The following XPO6 variants were observed in gnomAD, a reference collection of about 807,000 sequenced individuals.
XPO6 encodes exportin 6, also known as exportin-6.
In XPO6, 3 loss-of-function variants were observed where a neutral mutation model predicts 130.0. The ratio of observed to expected loss-of-function variants is 0.02; its 90% CI spans 0.01 to 0.06. The LOEUF (loss-of-function observed/expected upper bound fraction) is 0.06, where lower values mean the gene tolerates loss of function less well. Among genes scored for constraint, XPO6 ranks in the 10% least tolerant of loss-of-function variants. The pLI, the probability that XPO6 is intolerant of heterozygous loss-of-function variation, is 1.00. For missense variants in XPO6, 970 were observed against 1,393.0 expected, an observed-to-expected ratio of 0.70 and a Z score of 4.83; for synonymous variants, 524 against 548.9, an observed-to-expected ratio of 0.95 and a Z score of 0.63.
intron 9 of XPO6, among the ~76,000 whole-genome samples, chr16:28,137,997 A>G (rs2042813566): frequency 6.6e-6 from 1 of 152,156 alleles, no homozygotes; most frequent in Non-Finnish European, 1.5e-5. Context: ...ATATCCAGCA[A>G]TGACTCCCCA....
intron 1 of XPO6, among the ~76,000 whole-genome samples, chr16:28,187,191 T>A (rs28570404): frequency 0.58 from 87,497 of 152,062 alleles, 27,531 homozygotes; most frequent in South Asian, 0.72. Flanking sequence ...AGGAAGCCAC[T>A]CCAATCTGAA....
intron 23 of XPO6, among the ~76,000 whole-genome samples, chr16:28,099,292 CT>C (rs144816904): frequency 2.0e-5 from 3 of 151,376 alleles, no homozygotes; most frequent in African/African-American, 4.9e-5. Flanking sequence ...TGAGACCCTG[CT>C]TTTTTTTTCA....
chr16:28,134,058 A>T, intron 10 of XPO6, 125 bp from the exon 11 acceptor site: 1 of 902,662 alleles, frequency 1.1e-6, no homozygotes, highest in Non-Finnish European at 1.7e-6. Flanking sequence ...GTTATCTGGT[A>T]CTATAAAAAG....
rs1217334410 is a variant in XPO6, at chr16:28,132,256, C to G, written c.1606+78G>C. The G allele has an allele frequency of 1.8e-6, 2 of 1,101,838 alleles. No individual in the cohort carries two copies. Among genetic ancestry groups the G allele is most frequent in the Non-Finnish European group, 1.3e-6 (1 of 746,524 alleles). 68.3% of individuals were successfully genotyped at this position (1,101,838 alleles called of 1,614,324 possible). On this transcript the variant is annotated intron_variant, in intron 12 of 23. Transcript: ENST00000304658. The surrounding 1 kb of genome is among the most constrained non-coding windows in gnomAD (Gnocchi z 4.0). ...CAGTGAAGAAATCATGTTCCGACAG[C>G]AACGGCAGCAGTAATGAAATATCAG...
chr16:28,143,431 T>G (rs1450332181), intron 9 of XPO6, among the ~76,000 whole-genome samples: 1 of 152,220 alleles, frequency 6.6e-6, no homozygotes, highest in Non-Finnish European at 1.5e-5. Context: ...AAGAGAAGTG[T>G]TAAGTACGTC....
In XPO6 at chr16:28,199,787, G is replaced by T. The variant is rs140822782; in HGVS notation, c.3+11579C>A. ...TCTCGAACGCCTGACCTTGTGATCT[G>T]CCCACCTTGGCCTCCCAAAGTGCTA... is the stretch of plus-strand genomic sequence containing the variant. On this transcript the variant is annotated intron_variant, in intron 1 of 23. Transcript: ENST00000304658. Among the ~76,000 whole-genome samples the T allele has an allele frequency of 5.7e-4, 86 of 152,082 alleles. 2 individuals are homozygous for T. In the East Asian group the frequency reaches 0.016, roughly 28 times the overall value.
At chr16:28,178,498 C>T (rs2043566069) in intron 2 of XPO6, among the ~76,000 whole-genome samples, 1 of 151,684 alleles carries the variant, frequency 6.6e-6, no homozygotes, top group African/African-American at 2.4e-5. Flanking sequence ...GCTCTGTTGC[C>T]CAGGCTGGTC....
chr16:28,196,327 TA>T (rs1412961079), intron 1 of XPO6, among the ~76,000 whole-genome samples: 2 of 152,146 alleles, frequency 1.3e-5, no homozygotes, highest in Non-Finnish European at 2.9e-5. Flanking sequence ...AAGGACCATA[TA>T]GTGTATGATA....
intron 1 of XPO6, among the ~76,000 whole-genome samples, chr16:28,192,648 T>C (rs1037716595): frequency 2.6e-5 from 4 of 152,086 alleles, no homozygotes; most frequent in South Asian, 4.1e-4. Flanking sequence ...TGTGGACCAA[T>C]GGAGTGAGGC....
chr16:28,154,094 C>T (rs2043141681), intron 7 of XPO6: 3 of 985,176 alleles, frequency 3.0e-6, no homozygotes, highest in Non-Finnish European at 3.6e-6. Flanking sequence ...CAGGAACATA[C>T]AAAGACACTT....
chr16:28,134,974 A>C (rs2042747310), intron 10 of XPO6, among the ~76,000 whole-genome samples: 1 of 152,146 alleles, frequency 6.6e-6, no homozygotes, highest in Admixed American at 6.5e-5. Context: ...CATTGTGCAT[A>C]TGGTTTCTCT....
chr16:28,197,977 A>C (rs868058303), intron 1 of XPO6, among the ~76,000 whole-genome samples: 2,468 of 121,212 alleles, frequency 0.02, 63 homozygotes, highest in African/African-American at 0.065. Flanking sequence ...AAAAAAAAAA[A>C]AAAAAAAAAA....
chr16:28,149,053 G>GAAAAAAAAAAAAAAAAAAAAAAAAA (rs1200461684), intron 8 of XPO6, among the ~76,000 whole-genome samples: 1 of 94,468 alleles, frequency 1.1e-5, no homozygotes, highest in Non-Finnish European at 2.2e-5. Context: ...CAAAAAAAAA[G>GAAAAAAAAAAAAAAAAAAAAAAAAA]AAAATAAAAA....
At chr16:28,143,726 A>T (rs2042935508) in intron 9 of XPO6, among the ~76,000 whole-genome samples, 1 of 151,972 alleles carries the variant, frequency 6.6e-6, no homozygotes, top group South Asian at 2.1e-4. Flanking sequence ...AACCTCTGCC[A>T]CCCGGGTTCA....
chr16:28,139,328 TG>T (rs1239421280), intron 9 of XPO6, among the ~76,000 whole-genome samples: 1 of 152,182 alleles, frequency 6.6e-6, no homozygotes, highest in Non-Finnish European at 1.5e-5. Context: ...CATCTTGAAG[TG>T]GAACTTCTAG....
intron 20 of XPO6, among the ~76,000 whole-genome samples, chr16:28,105,254 A>G (rs2086748693): frequency 6.6e-6 from 1 of 152,232 alleles, no homozygotes; most frequent in African/African-American, 2.4e-5. Context: ...TCTCTGGGCC[A>G]GTCTCCTCTT....
In XPO6 at chr16:28,186,374, C is replaced by CTT. The variant is rs60754642; in HGVS notation, c.4-5345_4-5344dup. ...TATAGATTTTTCTGCCCCAGTTATT[C>CTT]TTTTTTTTTTTTTTTTTGCTAAAGA... On this transcript the variant is annotated intron_variant, in intron 1 of 23. Coordinates refer to ENST00000304658, the MANE Select transcript of XPO6 (RefSeq NM_015171.4). Among the ~76,000 whole-genome samples, 463 of 81,414 alleles carry CTT rather than the reference C, an allele frequency of 5.7e-3. 98 individuals are homozygous for CTT. The highest frequency in any genetic ancestry group is 0.028 in the African/African-American group (430 of 15,250). 53.4% of individuals were successfully genotyped at this position (81,414 alleles called of 152,430 possible).
chr16:28,106,385 G>A lies in XPO6; in HGVS notation c.2610C>T (p.Thr870=). The A allele has an allele frequency of 2.5e-6, 4 of 1,613,928 alleles. No individual in the cohort carries two copies. The highest frequency in any genetic ancestry group is 3.4e-6 in the Non-Finnish European group (4 of 1,179,798). The change falls in exon 19 of 24, where the codon ACC becomes ACT. Residue 870 remains threonine (T), a splice_region_variant and synonymous_variant. Coordinates refer to ENST00000304658, the MANE Select transcript of XPO6 (RefSeq NM_015171.4). This position sits in a 1 kb window ranked among gnomAD's most constrained non-coding sequence, Gnocchi z 4.2. ...ATAGATGGTGGGTCTGTGCTTACCT[G>A]GTAAACATGTTGAGGAAAGTCTGTA... ...QIIQTFLNMF[T]REQLAESILH... is the part of the protein sequence containing the mutation.
chr16:28,205,795 C>T (rs575828689), intron 1 of XPO6, among the ~76,000 whole-genome samples: 28 of 152,092 alleles, frequency 1.8e-4, no homozygotes, highest in African/African-American at 6.5e-4. Flanking sequence ...CCCAGCACTT[C>T]GGGAGGCCCA....
Sources: gnomAD v4.1 joint callset for allele counts (sites outside exome capture counted in the v4.1 genomes callset) on GRCh38, gnomAD v4.1.1 for gene constraint, Gnocchi (gnomAD v3.1) non-coding constraint, MANE v1.5 for transcripts, NCBI Gene and HGNC (gene_info 2026-07-23, HGNC 2026-07-21) for gene names.